The following PRKCA variants were observed in gnomAD, a reference collection of about 807,000 sequenced individuals.
PRKCA encodes the protein protein kinase C alpha.
Under a neutral mutation model 87.0 loss-of-function variants are expected in PRKCA, and 27 were observed. The ratio of observed to expected loss-of-function variants is 0.31; its 90% CI spans 0.23 to 0.43. The LOEUF is 0.43. Ranked by LOEUF, PRKCA falls within the 20% of genes least tolerant of loss-of-function variation. The probability of loss-of-function intolerance (pLI) is 1.00; values close to 1 mark genes in which losing one functional copy is unlikely to be tolerated. For synonymous variants in PRKCA, 329 were observed against 311.1 expected (o/e 1.06, Z -0.61); for missense variants, 518 against 852.3 (o/e 0.61, Z 4.88).
chr17:66,715,267 C>T (rs1973445457), intron 8 of PRKCA, among the ~76,000 whole-genome samples: 2 of 151,890 alleles, frequency 1.3e-5, no homozygotes, highest in South Asian at 4.2e-4. Context: ...AGCTTGGGTG[C>T]GTTTTTTGTT....
chr17:66,711,362 G>A (rs1284337968), intron 8 of PRKCA, among the ~76,000 whole-genome samples: 1 of 152,176 alleles, frequency 6.6e-6, no homozygotes, highest in Non-Finnish European at 1.5e-5. Flanking sequence ...TCCTGTAATT[G>A]TTCTGATGTT....
intron 3 of PRKCA, among the ~76,000 whole-genome samples, chr17:66,578,144 AC>A (rs746283990): frequency 0.054 from 8,095 of 148,686 alleles, 343 homozygotes; most frequent in South Asian, 0.15. Context: ...TTAAAACAAA[AC>A]AAAACAAAAC....
At chr17:66,454,783 C>T (rs1247334556) in intron 2 of PRKCA, among the ~76,000 whole-genome samples, 3 of 152,180 alleles carry the variant, frequency 2.0e-5, no homozygotes, top group African/African-American at 7.2e-5. Context: ...AGGTACAATT[C>T]GAGATGAGAT....
chr17:66,639,947 C>A (rs970870391), intron 3 of PRKCA, among the ~76,000 whole-genome samples: 46 of 152,062 alleles, frequency 3.0e-4, no homozygotes, highest in African/African-American at 1.1e-3. Context: ...GTGAGCCGAG[C>A]TCGTGCCACT....
chr17:66,705,662 A>G (rs1037376913), intron 8 of PRKCA, among the ~76,000 whole-genome samples: 2 of 152,154 alleles, frequency 1.3e-5, no homozygotes, highest in Admixed American at 6.5e-5. Context: ...CAGCTTTGCA[A>G]ATGTCCCCAG....
intron 14 of PRKCA, chr17:66,775,263 C>T: frequency 1.0e-6 from 1 of 984,954 alleles, no homozygotes; most frequent in Non-Finnish European, 1.2e-6. Flanking sequence ...ACAGGTTTCT[C>T]CTGTCCGTCA....
At chr17:66,713,112 T>G (rs1313861203) in intron 8 of PRKCA, among the ~76,000 whole-genome samples, 1 of 142,582 alleles carries the variant, frequency 7.0e-6, no homozygotes, top group African/African-American at 2.7e-5. Flanking sequence ...AGCGCAATGG[T>G]GCAATCTTGG....
chr17:66,800,158 G>A (rs1326047149), intron 16 of PRKCA, among the ~76,000 whole-genome samples: 2 of 152,204 alleles, frequency 1.3e-5, no homozygotes, highest in East Asian at 3.8e-4. Context: ...CTCCACCGAA[G>A]TGAACCAATT....
At chr17:66,783,932 C>T (rs1208780131) in intron 14 of PRKCA, among the ~76,000 whole-genome samples, 6 of 152,246 alleles carry the variant, frequency 3.9e-5, no homozygotes, top group East Asian at 1.9e-4. Flanking sequence ...GCAGCCTACA[C>T]GGTCGCACAG....
intron 2 of PRKCA, among the ~76,000 whole-genome samples, chr17:66,480,697 A>G (rs149671905): frequency 3.9e-5 from 6 of 152,184 alleles, no homozygotes; most frequent in African/African-American, 1.4e-4. Flanking sequence ...CCATTCCACC[A>G]TTGATTGAAA....
At chr17:66,496,080 A>G (rs1416969335) in intron 2 of PRKCA, 121 bp from the exon 3 acceptor site, 2 of 743,048 alleles carry the variant, frequency 2.7e-6, no homozygotes, top group Non-Finnish European at 4.6e-6. Context: ...ATTGCTGTTT[A>G]TAAGATTCTG....
chr17:66,712,128 T>G (rs1973346032), intron 8 of PRKCA, among the ~76,000 whole-genome samples: 1 of 152,104 alleles, frequency 6.6e-6, no homozygotes, highest in African/African-American at 2.4e-5. Context: ...TGAGCCTCTG[T>G]GCAACTTCTT....
At chr17:66,606,043 T>C (rs1050857155) in intron 3 of PRKCA, among the ~76,000 whole-genome samples, 2 of 152,206 alleles carry the variant, frequency 1.3e-5, no homozygotes, top group Admixed American at 6.5e-5. Context: ...CTGTATACTT[T>C]AAGTAGATGA....
intron 2 of PRKCA, among the ~76,000 whole-genome samples, chr17:66,433,928 G>T (rs1913234995): frequency 6.6e-6 from 1 of 152,138 alleles, no homozygotes; most frequent in South Asian, 2.1e-4. Context: ...TTTCCCTGAG[G>T]ACCCTCAGTC....
intron 3 of PRKCA, among the ~76,000 whole-genome samples, chr17:66,618,228 G>C (rs147766139): frequency 6.6e-6 from 1 of 151,850 alleles, no homozygotes. Flanking sequence ...GGTGGTGGGC[G>C]CCTGTAATTC....
intron 13 of PRKCA, among the ~76,000 whole-genome samples, chr17:66,746,358 T>C (rs540461723): frequency 6.6e-6 from 1 of 152,154 alleles, no homozygotes; most frequent in Non-Finnish European, 1.5e-5. Flanking sequence ...CTCATAAGTG[T>C]TCAGTAATTT....
chr17:66,799,316 GTGA>G, intron 16 of PRKCA, among the ~76,000 whole-genome samples: 2 of 25,440 alleles, frequency 7.9e-5, no homozygotes, highest in Non-Finnish European at 1.7e-4. Flanking sequence ...GGTGGTGGTG[GTGA>G]TGGTGGTGGT....
chr17:66,547,842 G>C (rs1968194996), intron 3 of PRKCA, among the ~76,000 whole-genome samples: 2 of 152,112 alleles, frequency 1.3e-5, no homozygotes. Context: ...CCATCTTACG[G>C]CTTTTTATTC....
At chr17:66,765,426 A>ATCTATATC (rs1343913537) in intron 13 of PRKCA, among the ~76,000 whole-genome samples, 13 of 124,326 alleles carry the variant, frequency 1.0e-4, no homozygotes, top group Admixed American at 8.0e-5. Flanking sequence ...GTCTATATAT[A>ATCTATATC]TATATATATA....
Sources: allele counts gnomAD v4.1 joint callset (sites outside exome capture counted in the v4.1 genomes callset), GRCh38; gene constraint gnomAD v4.1.1; transcripts MANE v1.5; gene names NCBI Gene and HGNC (gene_info 2026-07-23, HGNC 2026-07-21).